PPP1R9A: variants seen among roughly 807,000 people sequenced by gnomAD.
The protein encoded by PPP1R9A is protein phosphatase 1 regulatory subunit 9A, also known as neurabin-1.
A neutral mutation model predicts 141.9 loss-of-function variants in PPP1R9A; 59 were observed. The ratio of observed to expected loss-of-function variants is 0.42; its 90% CI spans 0.34 to 0.52. The LOEUF (loss-of-function observed/expected upper bound fraction) is 0.52, where lower values mean the gene tolerates loss of function less well. Among genes scored for constraint, PPP1R9A ranks in the 20% least tolerant of loss-of-function variants. The pLI, the probability that PPP1R9A is intolerant of heterozygous loss-of-function variation, is 0.10. For synonymous variants in PPP1R9A, 500 were observed against 569.7 expected (o/e 0.88, Z 1.74); for missense variants, 1,444 against 1,611.9 (o/e 0.90, Z 1.78).
chr7:95,190,399 G>T (rs1835319951), intron 5 of PPP1R9A, among the ~76,000 whole-genome samples: 1 of 152,192 alleles, frequency 6.6e-6, no homozygotes, highest in Non-Finnish European at 1.5e-5. Flanking sequence ...CCCAGCCATG[G>T]ATACCAGTAC....
rs184031164 is a variant in PPP1R9A at position 95,172,975 on chromosome 7, A to T, written c.1754+11004A>T. Among the ~76,000 whole-genome samples, 420 of 151,984 alleles carry T rather than the reference A, an allele frequency of 2.8e-3. 5 individuals carry two copies. The highest frequency in any genetic ancestry group is 0.025 in the Admixed American group (381 of 15,220). ...GTGGAGGAAATTATAGTTAACTCAA[A>T]AAATGGGGCTGAAAAAATTAAATAG... On this transcript the variant is annotated intron_variant, in intron 5 of 19. Coordinates refer to ENST00000433360, the MANE Select transcript of PPP1R9A (RefSeq NM_001166160.2).
chr7:95,182,381 A>G (rs528743706), intron 5 of PPP1R9A, among the ~76,000 whole-genome samples: 14 of 152,248 alleles, frequency 9.2e-5, no homozygotes, highest in African/African-American at 2.6e-4. Context: ...GAGTTTTTTA[A>G]TAGATATGCA....
chr7:95,223,665 C>G (rs1014231999), intron 7 of PPP1R9A, among the ~76,000 whole-genome samples: 8 of 152,010 alleles, frequency 5.3e-5, no homozygotes, highest in African/African-American at 1.9e-4. Flanking sequence ...CATTTCAACT[C>G]ATGTTTAAAA....
intron 5 of PPP1R9A, among the ~76,000 whole-genome samples, chr7:95,175,626 A>G (rs1027622269): frequency 6.6e-6 from 1 of 152,008 alleles, no homozygotes; most frequent in African/African-American, 2.4e-5. Context: ...AATTTGGCAA[A>G]ATTTGATATA....
intron 3 of PPP1R9A, 125 bp downstream of exon 3, chr7:95,111,516 T>C: frequency 9.9e-7 from 1 of 1,014,910 alleles, no homozygotes; most frequent in Non-Finnish European, 1.4e-6. Flanking sequence ...AGGATCTTAT[T>C]TATTAAGTTT....
At chr7:95,196,396 C>A (rs768307362) in intron 5 of PPP1R9A, among the ~76,000 whole-genome samples, 1 of 152,098 alleles carries the variant, frequency 6.6e-6, no homozygotes, top group Non-Finnish European at 1.5e-5. Context: ...GATACTATTA[C>A]TTCGAAAAAC....
At position 95,250,242 on chromosome 7, in the gene PPP1R9A, G is replaced by A. The variant is rs1798684589; in HGVS notation, c.2383G>A (p.Asp795Asn). ...CAACAAGGCAAAGAAGTTGATCAAG[G>A]ATTTTCAACAAAAGTAAGCCGCTTC... is the stretch of plus-strand genomic sequence containing the variant. Reference protein sequence around the residue: ...KYNKAKKLIKDFQQKELDFIK... With the variant: ...KYNKAKKLIKNFQQKELDFIK... The change falls in exon 10 of 20, where the codon GAT becomes AAT. Residue 795 changes from aspartate (D) to asparagine (N), a missense_variant. Transcript: ENST00000433360. 1 of 1,605,166 alleles carries A rather than the reference G, an allele frequency of 6.2e-7. No homozygotes were observed.
chr7:95,229,354 C>T (rs749830215), intron 8 of PPP1R9A, among the ~76,000 whole-genome samples: 2 of 151,862 alleles, frequency 1.3e-5, no homozygotes, highest in Admixed American at 6.6e-5. Context: ...CAGGGAAGCT[C>T]GTGATTTAGG....
At chr7:95,258,417 G>A (rs1186046523) in intron 12 of PPP1R9A, among the ~76,000 whole-genome samples, 1 of 152,016 alleles carries the variant, frequency 6.6e-6, no homozygotes, top group Non-Finnish European at 1.5e-5. Flanking sequence ...CTGGATATTA[G>A]CCCTTTGTCA....
chr7:94,992,658 G>A (rs1801663265), intron 2 of PPP1R9A, among the ~76,000 whole-genome samples: 1 of 152,022 alleles, frequency 6.6e-6, no homozygotes, highest in Non-Finnish European at 1.5e-5. Context: ...TTAAATTTTA[G>A]CCATTGTAAT....
At chr7:95,100,741 T>G (rs1458772107) in intron 2 of PPP1R9A, among the ~76,000 whole-genome samples, 1 of 151,980 alleles carries the variant, frequency 6.6e-6, no homozygotes, top group Non-Finnish European at 1.5e-5. Context: ...GTCCCCTTCC[T>G]GAGGCCCCTA....
intron 5 of PPP1R9A, 73 bp downstream of exon 5, chr7:95,162,044 C>A: frequency 5.7e-6 from 5 of 878,130 alleles, no homozygotes; most frequent in East Asian, 2.9e-5. Flanking sequence ...GTTTAACCTG[C>A]AAATAAATGT....
chr7:95,025,707 A>G (rs946732526), intron 2 of PPP1R9A, among the ~76,000 whole-genome samples: 2 of 152,150 alleles, frequency 1.3e-5, no homozygotes, highest in South Asian at 4.1e-4. Flanking sequence ...TTTCAGGTAC[A>G]CCAATCAACC....
intron 5 of PPP1R9A, among the ~76,000 whole-genome samples, chr7:95,194,405 A>G (rs1377676991): frequency 6.6e-6 from 1 of 152,064 alleles, no homozygotes; most frequent in African/African-American, 2.4e-5. Flanking sequence ...GCAGTGAACA[A>G]AGTGAGGATG....
intron 2 of PPP1R9A, among the ~76,000 whole-genome samples, chr7:95,051,774 C>T (rs1810837767): frequency 1.3e-5 from 2 of 151,914 alleles, no homozygotes; most frequent in African/African-American, 4.8e-5. Context: ...CAAAAAAAGT[C>T]AGCCATGACC....
At chr7:94,964,129 T>C (rs1797949090) in intron 2 of PPP1R9A, among the ~76,000 whole-genome samples, 1 of 152,148 alleles carries the variant, frequency 6.6e-6, no homozygotes, top group Non-Finnish European at 1.5e-5. Context: ...GTGCTCAAAA[T>C]GTTTTGAATT....
chr7:95,153,827 C>T (rs551185087), intron 4 of PPP1R9A, among the ~76,000 whole-genome samples: 9 of 152,254 alleles, frequency 5.9e-5, no homozygotes, highest in African/African-American at 1.4e-4. Flanking sequence ...TATTATTGAT[C>T]TGTTCCAGTT....
intron 2 of PPP1R9A, among the ~76,000 whole-genome samples, chr7:94,990,340 A>G (rs746272432): frequency 4.1e-4 from 62 of 152,132 alleles, no homozygotes; most frequent in Non-Finnish European, 6.9e-4. Flanking sequence ...TTAAGCACTA[A>G]CATTATGTGA....
chr7:95,002,149 T>G (rs927458448), intron 2 of PPP1R9A, among the ~76,000 whole-genome samples: 16 of 152,302 alleles, frequency 1.1e-4, no homozygotes, highest in Admixed American at 7.2e-4. Flanking sequence ...TGAAACTTAC[T>G]AACCCCCAGT....
Sources: allele counts gnomAD v4.1 joint callset (sites outside exome capture counted in the v4.1 genomes callset), GRCh38; gene constraint gnomAD v4.1.1; transcripts MANE v1.5; gene names NCBI Gene and HGNC (gene_info 2026-07-23, HGNC 2026-07-21).